Variants in ROBO2 observed in about 807,000 individuals in gnomAD.
The protein encoded by ROBO2 is roundabout guidance receptor 2.
ROBO2 carries 53 observed loss-of-function variants against 160.8 expected under a neutral mutation model. That is an observed-to-expected ratio of 0.33 (90% confidence interval 0.26 to 0.41). The LOEUF (loss-of-function observed/expected upper bound fraction) is 0.41. Ranked by LOEUF, ROBO2 falls within the 10% of genes least tolerant of loss-of-function variation. The probability of loss-of-function intolerance (pLI) is 1.00; values close to 1 mark genes in which losing one functional copy is unlikely to be tolerated. For missense variants in ROBO2, 1,577 were observed against 1,722.4 expected, an observed-to-expected ratio of 0.92 and a Z score of 1.49; for synonymous variants, 664 against 611.7, an observed-to-expected ratio of 1.09 and a Z score of -1.26.
intron 2 of ROBO2, among the ~76,000 whole-genome samples, chr3:76,793,893 G>A (rs146382899): frequency 6.6e-6 from 1 of 151,896 alleles, no homozygotes; most frequent in Non-Finnish European, 1.5e-5. Flanking sequence ...TTATCATACT[G>A]TAGCATTCTG....
At chr3:77,218,748 G>T (rs2085320199) in intron 2 of ROBO2, among the ~76,000 whole-genome samples, 1 of 152,074 alleles carries the variant, frequency 6.6e-6, no homozygotes, top group Non-Finnish European at 1.5e-5. Context: ...TAAGTATTCT[G>T]CAGTCGTAGT....
At chr3:76,472,885 C>T (rs1377662634) in intron 2 of ROBO2, among the ~76,000 whole-genome samples, 1 of 152,108 alleles carries the variant, frequency 6.6e-6, no homozygotes, top group Non-Finnish European at 1.5e-5. Flanking sequence ...ATGTCAGTCT[C>T]ATGAAAAAAG....
At chr3:77,352,123 G>A (rs150600600) in intron 2 of ROBO2, among the ~76,000 whole-genome samples, 1 of 144,062 alleles carries the variant, frequency 6.9e-6, no homozygotes, top group East Asian at 2.2e-4. Context: ...AAAAAAAAGA[G>A]TCGCAGGTAT....
At chr3:76,084,924 T>G (rs1411262253) in intron 2 of ROBO2, among the ~76,000 whole-genome samples, 1 of 152,110 alleles carries the variant, frequency 6.6e-6, no homozygotes, top group African/African-American at 2.4e-5. Context: ...CACGTAAAGA[T>G]TCAGAATGTG....
rs541916542 is a variant in ROBO2 at position 75,923,162 on chromosome 3, A to G, written c.-13-14319A>G. On this transcript the variant is annotated intron_variant, in intron 1 of 26. Coordinates refer to the ROBO2 transcript ENST00000487694. Reference sequence around the variant, plus strand: ...AGGTTTTTTTTTAAAACATACACACAGTTTTTGATGCACATTTTTATTGGG... The same window carrying G: ...AGGTTTTTTTTTAAAACATACACACGGTTTTTGATGCACATTTTTATTGGG... Among the ~76,000 whole-genome samples the G allele has an allele frequency of 1.4e-4, 21 of 152,282 alleles. No homozygotes were observed. In the East Asian group the frequency reaches 3.9e-3, roughly 28 times the overall value.
rs187491801 is a variant in ROBO2, at chr3:77,278,561, T to G, written c.388+180221T>G. Among the ~76,000 whole-genome samples the G allele has an allele frequency of 4.6e-5, 7 of 152,282 alleles. No homozygotes were observed. In the East Asian group the frequency reaches 1.2e-3, roughly 25 times the overall value. ...AATGCTTATTAGAATCCAGGTACAG[T>G]GTTAAAAACTTTCCATAGATTTTCT... On this transcript the variant is annotated intron_variant, in intron 2 of 25. Coordinates refer to ENST00000461745, the Ensembl canonical transcript of ROBO2.
chr3:76,074,471 G>T (rs1053724865), intron 2 of ROBO2, among the ~76,000 whole-genome samples: 8 of 152,200 alleles, frequency 5.3e-5, no homozygotes, highest in African/African-American at 1.4e-4. Context: ...TTGGTAATGT[G>T]TAATCAGATT....
chr3:77,453,636 G>A (rs1040123706), intron 2 of ROBO2, among the ~76,000 whole-genome samples: 8 of 152,160 alleles, frequency 5.3e-5, no homozygotes, highest in African/African-American at 1.9e-4. Context: ...TAGGAAAAAA[G>A]TATGTAAAAT....
intron 2 of ROBO2, among the ~76,000 whole-genome samples, chr3:76,040,131 T>G (rs2067235365): frequency 6.6e-6 from 1 of 151,966 alleles, no homozygotes; most frequent in Admixed American, 6.5e-5. Flanking sequence ...TCTCTTTCAT[T>G]ACTGAAATTA....
chr3:77,192,650 CTTTTTTTTTTT>C (rs71629633), intron 2 of ROBO2, among the ~76,000 whole-genome samples: 1,692 of 110,016 alleles, frequency 0.015, 22 homozygotes, highest in Middle Eastern at 0.018. Context: ...AACACAATTC[CTTTTTTTTTTT>C]TTTTTTTTTT....
chr3:76,356,112 A>G (rs2075145658), intron 2 of ROBO2, among the ~76,000 whole-genome samples: 1 of 151,826 alleles, frequency 6.6e-6, no homozygotes, highest in South Asian at 2.1e-4. Context: ...ATTTATAAAT[A>G]TACATGTTTC....
upstream of ROBO2, among the ~76,000 whole-genome samples, chr3:77,036,863 AT>A (rs111659836): frequency 5.9e-3 from 824 of 140,452 alleles, 8 homozygotes; most frequent in East Asian, 0.053. Flanking sequence ...GAAAACCTTA[AT>A]TTTTTTTTTT....
intron 2 of ROBO2, among the ~76,000 whole-genome samples, chr3:76,951,657 C>A (rs2078963353): frequency 6.6e-6 from 1 of 152,070 alleles, no homozygotes; most frequent in Non-Finnish European, 1.5e-5. Context: ...GAACAGCAAG[C>A]ATGTACGATA....
intron 1 of ROBO2, among the ~76,000 whole-genome samples, chr3:75,913,370 A>G (rs1946678835): frequency 6.6e-6 from 1 of 152,216 alleles, no homozygotes; most frequent in Non-Finnish European, 1.5e-5. Flanking sequence ...CCTGGAGATT[A>G]GGCCAAGAAC....
At chr3:76,051,261 T>A (rs113069832) in intron 2 of ROBO2, among the ~76,000 whole-genome samples, 2 of 69,732 alleles carry the variant, frequency 2.9e-5, no homozygotes, top group Admixed American at 1.3e-4. Context: ...TGAAGTACTT[T>A]GATATGTCAC....
intron 8 of ROBO2, among the ~76,000 whole-genome samples, chr3:77,554,034 A>C (rs2153655740): frequency 6.6e-6 from 1 of 152,082 alleles, no homozygotes; most frequent in African/African-American, 2.4e-5. Flanking sequence ...GCCTGGCTTT[A>C]AATGACAGAC....
chr3:76,547,925 CATCATATG>C (rs1411865138), intron 2 of ROBO2, among the ~76,000 whole-genome samples: 2 of 152,216 alleles, frequency 1.3e-5, no homozygotes, highest in African/African-American at 4.8e-5. Flanking sequence ...CTGTGATGGA[CATCATATG>C]ATTGCTGTTA....
At chr3:76,895,980 A>G (rs751448231) in intron 2 of ROBO2, among the ~76,000 whole-genome samples, 2 of 152,132 alleles carry the variant, frequency 1.3e-5, no homozygotes, top group Non-Finnish European at 2.9e-5. Context: ...CTAATCCATC[A>G]CAACGGCATG....
chr3:76,261,164 AAT>A (rs1706720893), intron 2 of ROBO2, among the ~76,000 whole-genome samples: 1 of 129,156 alleles, frequency 7.7e-6, no homozygotes, highest in Non-Finnish European at 1.7e-5. Context: ...TTTTAAACTA[AAT>A]TATGTGTGTG....
Sources: gnomAD v4.1 joint callset for allele counts (sites outside exome capture counted in the v4.1 genomes callset) on GRCh38, gnomAD v4.1.1 for gene constraint, MANE v1.5 for transcripts, NCBI Gene and HGNC (gene_info 2026-07-23, HGNC 2026-07-21) for gene names.